Variants in CCDC178 observed in about 807,000 individuals in gnomAD.
The protein encoded by CCDC178 is coiled-coil domain-containing protein 178.
Under a neutral mutation model 117.4 loss-of-function variants are expected in CCDC178, and 126 were observed. The observed-to-expected ratio is 1.07, with a 90% CI of 0.93 to 1.24. The LOEUF (loss-of-function observed/expected upper bound fraction) is 1.24. Among genes scored for constraint, CCDC178 ranks in the 50% most tolerant of loss-of-function variants. The probability of loss-of-function intolerance (pLI) is 0.00; values close to 1 mark genes in which losing one functional copy is unlikely to be tolerated. For missense variants in CCDC178, 1,030 were observed against 986.9 expected (o/e 1.04, Z -0.59); for synonymous variants, 283 against 313.4 (o/e 0.90, Z 1.02).
chr18:33,107,957 G>T (rs1260858464), intron 20 of CCDC178, among the ~76,000 whole-genome samples: 1 of 151,664 alleles, frequency 6.6e-6, no homozygotes, highest in Non-Finnish European at 1.5e-5. Context: ...AAAATTTTTT[G>T]AGATCTTGGC....
chr18:33,281,571 T>C (rs960895809), intron 12 of CCDC178, among the ~76,000 whole-genome samples: 3 of 152,070 alleles, frequency 2.0e-5, no homozygotes, highest in Admixed American at 6.6e-5. Flanking sequence ...CAAGATCCAA[T>C]AGACAATGTG....
At chr18:33,114,016 G>T (rs1420616470) in intron 20 of CCDC178, among the ~76,000 whole-genome samples, 1 of 151,746 alleles carries the variant, frequency 6.6e-6, no homozygotes, top group Non-Finnish European at 1.5e-5. Context: ...AGTTTACACA[G>T]GAAAAAAGAA....
At chr18:33,078,736 A>C (rs528905200) in intron 21 of CCDC178, among the ~76,000 whole-genome samples, 1 of 152,326 alleles carries the variant, frequency 6.6e-6, no homozygotes, top group African/African-American at 2.4e-5. Context: ...GAGGTGAAAT[A>C]TCTCTACAAT....
chr18:33,197,199 TA>T (rs1254314495), intron 20 of CCDC178, among the ~76,000 whole-genome samples: 48 of 152,212 alleles, frequency 3.2e-4, no homozygotes, highest in African/African-American at 1.1e-3. Context: ...GGCTAATTTT[TA>T]AAAATTTCCA....
intron 7 of CCDC178, among the ~76,000 whole-genome samples, chr18:33,349,517 G>A (rs954286336): frequency 6.6e-6 from 1 of 151,884 alleles, no homozygotes; most frequent in African/African-American, 2.4e-5. Flanking sequence ...GTCTTGAGAG[G>A]TGACTATAAA....
intron 11 of CCDC178, among the ~76,000 whole-genome samples, chr18:33,297,009 G>A (rs1248057483): frequency 6.6e-6 from 1 of 151,990 alleles, no homozygotes. Flanking sequence ...AGGTGACAGA[G>A]CAAGACTCCA....
intron 10 of CCDC178, among the ~76,000 whole-genome samples, chr18:33,332,909 C>T: frequency 6.6e-6 from 1 of 152,184 alleles, no homozygotes; most frequent in Non-Finnish European, 1.5e-5. Context: ...TGAGCCACCA[C>T]ACCCAGCCTT....
chr18:33,027,582 C>A (rs2056254579), intron 21 of CCDC178, among the ~76,000 whole-genome samples: 1 of 151,576 alleles, frequency 6.6e-6, no homozygotes, highest in African/African-American at 2.4e-5. Flanking sequence ...GTAAATATCA[C>A]AAGAATATCT....
chr18:33,218,610 T>C (rs1340160832), intron 18 of CCDC178, among the ~76,000 whole-genome samples: 1 of 152,160 alleles, frequency 6.6e-6, no homozygotes, highest in Non-Finnish European at 1.5e-5. Context: ...CTTTAATCCA[T>C]CTTGAATTAA....
At chr18:33,150,956 A>G (rs1170846952) in intron 20 of CCDC178, among the ~76,000 whole-genome samples, 1 of 152,190 alleles carries the variant, frequency 6.6e-6, no homozygotes, top group Non-Finnish European at 1.5e-5. Flanking sequence ...AGCAACTTGG[A>G]TGGAGTTGGA....
chr18:33,402,553 T>C (rs1026569348), intron 3 of CCDC178, among the ~76,000 whole-genome samples: 24 of 152,212 alleles, frequency 1.6e-4, no homozygotes, highest in African/African-American at 5.5e-4. Context: ...GCTGTGAGCA[T>C]GATCAGGAAA....
intron 15 of CCDC178, among the ~76,000 whole-genome samples, chr18:33,236,089 C>T (rs1316565087): frequency 1.3e-5 from 2 of 152,140 alleles, no homozygotes; most frequent in African/African-American, 4.8e-5. Context: ...CTTGAGAGAA[C>T]ATAATTCATA....
At chr18:33,400,096 A>AT (rs34890018) in intron 3 of CCDC178, among the ~76,000 whole-genome samples, 10,219 of 137,722 alleles carry the variant, frequency 0.074, 476 homozygotes, top group Non-Finnish European at 0.098. Flanking sequence ...TTTTAAAGAA[A>AT]TTTTTTTTTT....
At chr18:33,079,595 A>AC (rs35312234) in intron 21 of CCDC178, among the ~76,000 whole-genome samples, 21,672 of 152,066 alleles carry the variant, frequency 0.14, 2,396 homozygotes, top group African/African-American at 0.31. Flanking sequence ...AAAACAAACA[A>AC]CCCATTAAAA....
intron 21 of CCDC178, among the ~76,000 whole-genome samples, chr18:33,045,350 C>G (rs563670474): frequency 3.3e-5 from 5 of 152,040 alleles, no homozygotes; most frequent in Admixed American, 2.6e-4. Flanking sequence ...TAGTTAGGCC[C>G]GAGAGCTAGA....
At chr18:33,280,526 A>G (rs1223136085) in intron 12 of CCDC178, among the ~76,000 whole-genome samples, 1 of 151,742 alleles carries the variant, frequency 6.6e-6, no homozygotes, top group East Asian at 1.9e-4. Flanking sequence ...TAGTTCAACC[A>G]TTGTGGAAGT....
At chr18:33,317,161 C>T (rs2062431191) in intron 11 of CCDC178, among the ~76,000 whole-genome samples, 1 of 152,134 alleles carries the variant, frequency 6.6e-6, no homozygotes, top group South Asian at 2.1e-4. Context: ...ACAAATCTTG[C>T]TACTGCTCAC....
chr18:33,376,748 C>T (rs1568186024), intron 5 of CCDC178, among the ~76,000 whole-genome samples: 1 of 152,090 alleles, frequency 6.6e-6, no homozygotes, highest in Non-Finnish European at 1.5e-5. Flanking sequence ...TAATGGCTTC[C>T]AGTTGCATCC....
At chr18:33,019,852 A>C (rs945681452) in intron 21 of CCDC178, among the ~76,000 whole-genome samples, 2 of 151,392 alleles carry the variant, frequency 1.3e-5, no homozygotes, top group Non-Finnish European at 2.9e-5. Context: ...AATACCATAA[A>C]TCAGAATCCA....
Sources: gnomAD v4.1 joint callset for allele counts (sites outside exome capture counted in the v4.1 genomes callset) on GRCh38, gnomAD v4.1.1 for gene constraint, MANE v1.5 for transcripts, NCBI Gene and HGNC (gene_info 2026-07-23, HGNC 2026-07-21) for gene names.